Variants in ROS1 observed in about 807,000 individuals in gnomAD.
The protein encoded by ROS1 is proto-oncogene tyrosine-protein kinase ROS.
A neutral mutation model predicts 273.5 loss-of-function variants in ROS1; 263 were observed. That is an observed-to-expected ratio of 0.96 (90% CI 0.87 to 1.06). The LOEUF (loss-of-function observed/expected upper bound fraction) is 1.06. Among genes scored for constraint, ROS1 ranks in the 50% least tolerant of loss-of-function variants. The pLI, the probability that ROS1 is intolerant of heterozygous loss-of-function variation, is 0.00. For synonymous variants in ROS1, 1,008 were observed against 954.1 expected (o/e 1.06, Z -1.04); for missense variants, 2,833 against 2,751.1 (o/e 1.03, Z -0.67).
intron 42 of ROS1, among the ~76,000 whole-genome samples, chr6:117,306,095 T>C (rs1322460543): frequency 6.6e-6 from 1 of 151,260 alleles, no homozygotes; most frequent in Non-Finnish European, 1.5e-5. Flanking sequence ...TTAGCCTCTA[T>C]GCATATTAAA....
At chr6:117,365,987 A>T in intron 19 of ROS1, 89 bp downstream of exon 19, 1 of 1,188,648 alleles carries the variant, frequency 8.4e-7, no homozygotes, top group Non-Finnish European at 1.2e-6. Context: ...CTTAAAACTT[A>T]ATTCTTAAGA....
rs750929130 is a variant in ROS1 at position 117,394,264 on chromosome 6, A to T, written c.1089T>A (p.Ser363=). The change falls in exon 11 of 44, where the codon TCT becomes TCA. Residue 363 remains serine, a synonymous_variant. Transcript: ENST00000368507. ...LIWAKKAANM[S]DVSDLRIFYR... ...AAAAAATTCTCAGGTCAGATACATC[A>T]GACATGTTGGCAGCCTTCTTCGCCC... The T allele has an allele frequency of 6.2e-7, 1 of 1,610,642 alleles. No individual in the cohort carries two copies. Among genetic ancestry groups the T allele is most frequent in the South Asian group, 1.1e-5 (1 of 90,520 alleles).
chr6:117,326,691 G>A (rs990127247), intron 33 of ROS1, among the ~76,000 whole-genome samples: 7 of 151,926 alleles, frequency 4.6e-5, no homozygotes, highest in Non-Finnish European at 8.8e-5. Flanking sequence ...TATACTAACA[G>A]CATGGGTAAA....
At position 117,288,687 on chromosome 6, in the gene ROS1, T is replaced by G. The variant is rs1299949449; in HGVS notation, c.6831A>C (p.Gln2277His). The G allele has an allele frequency of 1.9e-6, 3 of 1,614,082 alleles. No individual in the cohort carries two copies. The highest frequency in any genetic ancestry group is 2.5e-6 in the Non-Finnish European group (3 of 1,180,034). ...NYMVLATECGQGEEKSEGPLG... is the reference protein window; with the variant it reads ...NYMVLATECGHGEEKSEGPLG... Reference sequence around the variant, plus strand: ...GAGGACCCTCAGACTTTTCTTCACCTTGGCCACATTCTGTAGCAAGTACCA... The same window carrying G: ...GAGGACCCTCAGACTTTTCTTCACCGTGGCCACATTCTGTAGCAAGTACCA... The change falls in exon 44 of 44, where the codon CAA becomes CAC. Residue 2277 changes from glutamine (Q) to histidine (H), a missense_variant. Transcript: ENST00000368507.
In ROS1 at chr6:117,344,265, A is replaced by T. The variant is rs746222565; in HGVS notation, c.4304-3T>A. The T allele has an allele frequency of 3.1e-6, 5 of 1,610,782 alleles. No individual in the cohort carries two copies. In the South Asian group the frequency reaches 5.5e-5, roughly 18 times the overall value. ...AGCTAGAGACAGAAACGCTTTATCTAAAATAAGAAGAAACCAAAAGATTAA... is the reference window on the plus strand; with the variant it reads ...AGCTAGAGACAGAAACGCTTTATCTTAAATAAGAAGAAACCAAAAGATTAA... On this transcript the variant is annotated splice_polypyrimidine_tract_variant and splice_region_variant and intron_variant, in intron 27 of 43. Transcript: ENST00000368507.
Position 117,366,058 on chromosome 6 carries a change from A to G in ROS1, c.2797+18T>C, listed in dbSNP as rs1160299213. ...GAAGGTATAGTGGAGTAGGGTAAGCAGGAATGAAATACTGTACCTGGCAGG... is the reference window on the plus strand; with the variant it reads ...GAAGGTATAGTGGAGTAGGGTAAGCGGGAATGAAATACTGTACCTGGCAGG... On this transcript the variant is annotated intron_variant, in intron 19 of 43. Transcript: ENST00000368507. The G allele has an allele frequency of 6.4e-7, 1 of 1,570,272 alleles. No individual in the cohort carries two copies. The highest frequency in any genetic ancestry group is 1.4e-5 in the African/African-American group (1 of 73,976).
intron 17 of ROS1, among the ~76,000 whole-genome samples, chr6:117,379,549 AGTGG>A (rs1002831734): frequency 9.2e-5 from 14 of 152,150 alleles, no homozygotes; most frequent in Admixed American, 6.5e-5. Flanking sequence ...GCCTAAAGGT[AGTGG>A]TAACTCTGGC....
chr6:117,412,498 A>G (rs1774990530), intron 4 of ROS1, among the ~76,000 whole-genome samples: 1 of 152,150 alleles, frequency 6.6e-6, no homozygotes, highest in Non-Finnish European at 1.5e-5. Context: ...GAATTGCAAA[A>G]ATGACAAGCT....
At position 117,387,923 on chromosome 6, in the gene ROS1, T is replaced by C. The variant is rs769530508; in HGVS notation, c.1856A>G (p.His619Arg). ...VSTQDPPEVT[H>R]IFLNISGTML... ...GGTTCCACTTATGTTCAAGAAAATA[T>C]GAGTGACTTCAGGAGGGTCTTGGGT... Residue 619 changes from histidine (H) to arginine (R), a missense_variant, in exon 14 of 44, where the codon CAT becomes CGT. Coordinates refer to ENST00000368507, the MANE Select transcript of ROS1 (RefSeq NM_001378902.1). 1 of 1,614,082 alleles carries C rather than the reference T, an allele frequency of 6.2e-7. No homozygotes were observed. The highest frequency in any genetic ancestry group is 1.3e-5 in the African/African-American group (1 of 74,940).
At chr6:117,363,093 C>G (rs1448896075) in intron 21 of ROS1, among the ~76,000 whole-genome samples, 4 of 152,164 alleles carry the variant, frequency 2.6e-5, no homozygotes, top group Non-Finnish European at 5.9e-5. Flanking sequence ...GGCAAGACTT[C>G]CTTATGTTCA....
At chr6:117,321,826 G>A (rs2128565636) in intron 35 of ROS1, among the ~76,000 whole-genome samples, 1 of 133,904 alleles carries the variant, frequency 7.5e-6, no homozygotes, top group Non-Finnish European at 1.6e-5. Context: ...CAGTATAATG[G>A]CAATTTTTTT....
rs372314682 is a variant in ROS1, at chr6:117,321,411, G to T, written c.5624-17C>A. The stretch of plus-strand genomic sequence containing the variant: ...TATGCCAGACTATAAAGGAAAAAAT[G>T]ACATAATTTACAAAATAAAATATTG... On this transcript the variant is annotated splice_polypyrimidine_tract_variant and intron_variant, in intron 35 of 43. Coordinates refer to ENST00000368507, the MANE Select transcript of ROS1 (RefSeq NM_001378902.1). 82 of 1,573,118 alleles carry T rather than the reference G, an allele frequency of 5.2e-5. No individual in the cohort carries two copies. In the African/African-American group the frequency reaches 9.5e-4, roughly 18 times the overall value.
Position 117,351,405 on chromosome 6 carries a change from T to C in ROS1, c.4303+1585A>G, listed in dbSNP as rs114497119. Among the ~76,000 whole-genome samples the C allele has an allele frequency of 6.4e-3, 967 of 152,064 alleles. 14 individuals carry two copies. Among genetic ancestry groups the C allele is most frequent in the African/African-American group, 0.022 (927 of 41,450 alleles). On this transcript the variant is annotated intron_variant, in intron 27 of 43. Coordinates refer to ENST00000368507, the MANE Select transcript of ROS1 (RefSeq NM_001378902.1). ...CAGAATGCTCTGGTGCCTTTCAAAA[T>C]TTTTCCTTTTCCCTTCTCTCTGTGG...
chr6:117,394,151 C>G lies in ROS1; in HGVS notation c.1191+11G>C, dbSNP rs1415364189. On this transcript the variant is annotated intron_variant, in intron 11 of 43. Transcript: ENST00000368507. Reference sequence around the variant, plus strand: ...GTCTATCACTATTCCTCTTTAACTTCTCGGACTAACCAGTTCATCCATGAT... The same window carrying G: ...GTCTATCACTATTCCTCTTTAACTTGTCGGACTAACCAGTTCATCCATGAT... 2 of 1,552,912 alleles carry G rather than the reference C, an allele frequency of 1.3e-6. No homozygotes were observed. Among genetic ancestry groups the G allele is most frequent in the South Asian group, 2.4e-5 (2 of 82,708 alleles).
intron 4 of ROS1, among the ~76,000 whole-genome samples, chr6:117,411,638 G>A (rs1399912724): frequency 6.6e-6 from 1 of 152,116 alleles, no homozygotes; most frequent in South Asian, 2.1e-4. Flanking sequence ...CACACAGGCT[G>A]CCAGTGCCCT....
chr6:117,399,812 TTAAAA>T (rs1263450203), intron 7 of ROS1, among the ~76,000 whole-genome samples: 1 of 152,220 alleles, frequency 6.6e-6, no homozygotes, highest in African/African-American at 2.4e-5. Context: ...TGATAAAATC[TTAAAA>T]TAATATAGTA....
At chr6:117,361,914 A>T (rs1229368285) in intron 22 of ROS1, among the ~76,000 whole-genome samples, 1 of 152,090 alleles carries the variant, frequency 6.6e-6, no homozygotes, top group Non-Finnish European at 1.5e-5. Context: ...TTATAGTATG[A>T]GGATCAAATG....
Position 117,365,141 on chromosome 6 carries a change from A to G in ROS1, c.3022T>C (p.Leu1008=), listed in dbSNP as rs1442835901. ...TAAGGAGTGACAGAAAGATTAAATA[A>G]GGCATAAGGTTCCAGTCCTTCCACA... ...FTVEGLEPYA[L]FNLSVTPYTY... The change falls in exon 21 of 44, where the codon TTA becomes CTA. Residue 1008 remains leucine (L), a synonymous_variant. Coordinates refer to ENST00000368507, the MANE Select transcript of ROS1 (RefSeq NM_001378902.1). The G allele has an allele frequency of 1.2e-6, 2 of 1,613,180 alleles. No individual in the cohort carries two copies. Among genetic ancestry groups the G allele is most frequent in the African/African-American group, 1.3e-5 (1 of 74,912 alleles).
In ROS1 at chr6:117,329,339, G is replaced by A. The variant is rs2128593107; in HGVS notation, c.5338C>T (p.Leu1780Phe). Residue 1780 changes from leucine (L) to phenylalanine (F), a missense_variant, in exon 33 of 44, where the codon CTT becomes TTT. Coordinates refer to ENST00000368507, the MANE Select transcript of ROS1 (RefSeq NM_001378902.1). ...TGCAAACACACATACCTTATCTCAA[G>A]GATATAGTATGTAATTCTACATCCA... Reference protein sequence around the residue: ...DNGCRITYYILEIRKSTSNNL... With the variant: ...DNGCRITYYIFEIRKSTSNNL... The A allele has an allele frequency of 6.9e-7, 1 of 1,440,366 alleles. No individual in the cohort carries two copies. The highest frequency in any genetic ancestry group is 9.8e-7 in the Non-Finnish European group (1 of 1,025,554). The allele number at this position is 1,440,366 out of a possible 1,614,324, so 89.2% of individuals were successfully genotyped here.
Sources: allele counts gnomAD v4.1 joint callset (sites outside exome capture counted in the v4.1 genomes callset), GRCh38; gene constraint gnomAD v4.1.1; transcripts MANE v1.5; gene names NCBI Gene and HGNC (gene_info 2026-07-23, HGNC 2026-07-21).